Variants in SMYD3 observed in about 807,000 individuals in gnomAD.
The protein encoded by SMYD3 is SET and MYND domain containing 3, also known as histone-lysine N-methyltransferase SMYD3.
Under a neutral mutation model 57.7 loss-of-function variants are expected in SMYD3, and 36 were observed. That is an observed-to-expected ratio of 0.62 (90% CI 0.48 to 0.82). The LOEUF (loss-of-function observed/expected upper bound fraction) is 0.82, where lower values mean the gene tolerates loss of function less well. Ranked by LOEUF, SMYD3 falls within the 40% of genes least tolerant of loss-of-function variation. The pLI, the probability that SMYD3 is intolerant of heterozygous loss-of-function variation, is 0.00. For synonymous variants in SMYD3, 211 were observed against 195.0 expected, an observed-to-expected ratio of 1.08 and a Z score of -0.68; for missense variants, 515 against 538.8, an observed-to-expected ratio of 0.96 and a Z score of 0.44.
chr1:245,915,682 T>C (rs750668919), intron 7 of SMYD3, 42 bp from the exon 8 acceptor site: 1 of 1,260,748 alleles, frequency 7.9e-7, no homozygotes, highest in Non-Finnish European at 1.1e-6. Flanking sequence ...ACATCTGCTG[T>C]GCTCATTTCT....
intron 5 of SMYD3, among the ~76,000 whole-genome samples, chr1:246,000,525 T>G (rs1468456811): frequency 1.3e-5 from 2 of 152,108 alleles, no homozygotes; most frequent in Non-Finnish European, 2.9e-5. Context: ...ACCATGCCCC[T>G]AAACCAAAAA....
intron 5 of SMYD3, among the ~76,000 whole-genome samples, chr1:246,233,645 C>G (rs2063461477): frequency 7.2e-6 from 1 of 138,636 alleles, no homozygotes; most frequent in Non-Finnish European, 1.5e-5. Flanking sequence ...CCTCAATTCA[C>G]ACTGTGATGA....
chr1:245,928,148 G>T, intron 6 of SMYD3, 115 bp from the exon 7 acceptor site: 1 of 688,486 alleles, frequency 1.5e-6, no homozygotes, highest in Non-Finnish European at 2.5e-6. Flanking sequence ...AGGTAGGGTT[G>T]ACAGGATGCC....
chr1:246,020,003 T>C (rs1008672534), intron 5 of SMYD3, among the ~76,000 whole-genome samples: 4 of 152,222 alleles, frequency 2.6e-5, no homozygotes, highest in African/African-American at 9.6e-5. Flanking sequence ...GACTTGTTAC[T>C]TGCCTGCCAG....
chr1:246,157,309 G>A (rs763247316), intron 5 of SMYD3, among the ~76,000 whole-genome samples: 8 of 152,046 alleles, frequency 5.3e-5, no homozygotes, highest in South Asian at 2.1e-4. Context: ...TAATTAACTC[G>A]ACAAGAGAAA....
chr1:246,211,619 G>A (rs968934915), intron 5 of SMYD3, among the ~76,000 whole-genome samples: 5 of 151,956 alleles, frequency 3.3e-5, no homozygotes, highest in African/African-American at 1.2e-4. Context: ...TACACAAGAG[G>A]GAGACAAATA....
chr1:246,359,721 C>G (rs1208745040), intron 1 of SMYD3, among the ~76,000 whole-genome samples: 1 of 152,156 alleles, frequency 6.6e-6, no homozygotes, highest in Non-Finnish European at 1.5e-5. Flanking sequence ...ACATGATCAT[C>G]TCAATAGATG....
At chr1:245,838,025 C>G (rs567392713) in intron 10 of SMYD3, among the ~76,000 whole-genome samples, 4 of 152,320 alleles carry the variant, frequency 2.6e-5, no homozygotes, top group African/African-American at 9.6e-5. Context: ...AAAATATGAT[C>G]TCTGACTTTT....
intron 8 of SMYD3, among the ~76,000 whole-genome samples, chr1:245,912,493 T>C (rs1051794919): frequency 2.0e-5 from 3 of 151,954 alleles, no homozygotes; most frequent in Admixed American, 2.0e-4. Flanking sequence ...CTTCAAGAAA[T>C]AGAACTAATG....
chr1:246,327,884 T>C (rs2065381319), intron 4 of SMYD3, among the ~76,000 whole-genome samples: 1 of 152,200 alleles, frequency 6.6e-6, no homozygotes, highest in Admixed American at 6.5e-5. Flanking sequence ...AACTTCAAGT[T>C]ATCTGAGTTG....
At chr1:246,006,943 T>C (rs1558145872) in intron 5 of SMYD3, among the ~76,000 whole-genome samples, 1 of 152,206 alleles carries the variant, frequency 6.6e-6, no homozygotes. Flanking sequence ...AGAAAAGGCA[T>C]GGGCAGGAGC....
At chr1:245,795,945 C>T (rs993971907) in intron 10 of SMYD3, among the ~76,000 whole-genome samples, 1 of 152,170 alleles carries the variant, frequency 6.6e-6, no homozygotes, top group Non-Finnish European at 1.5e-5. Context: ...CTTAGTAACC[C>T]TATCTCCCAA....
chr1:246,081,712 T>A (rs1020153598), intron 5 of SMYD3, among the ~76,000 whole-genome samples: 1 of 152,144 alleles, frequency 6.6e-6, no homozygotes, highest in African/African-American at 2.4e-5. Context: ...CTATTTTTTT[T>A]AATTACTAGT....
intron 8 of SMYD3, among the ~76,000 whole-genome samples, chr1:245,903,433 T>C (rs1381053538): frequency 5.3e-5 from 8 of 152,128 alleles, no homozygotes; most frequent in African/African-American, 1.9e-4. Flanking sequence ...GATGCTGGAA[T>C]AGAAAGCTTC....
At chr1:246,060,484 A>T (rs1015930703) in intron 5 of SMYD3, among the ~76,000 whole-genome samples, 2 of 152,204 alleles carry the variant, frequency 1.3e-5, no homozygotes, top group Non-Finnish European at 2.9e-5. Context: ...ATGGCATAAC[A>T]TTCCCAAAGC....
At chr1:246,304,054 T>C (rs1355308602) in intron 5 of SMYD3, among the ~76,000 whole-genome samples, 1 of 152,176 alleles carries the variant, frequency 6.6e-6, no homozygotes, top group Non-Finnish European at 1.5e-5. Flanking sequence ...AAAAACAAAA[T>C]ATAACATCAC....
At chr1:246,030,228 A>T (rs1440768013) in intron 5 of SMYD3, among the ~76,000 whole-genome samples, 1 of 152,182 alleles carries the variant, frequency 6.6e-6, no homozygotes, top group Non-Finnish European at 1.5e-5. Flanking sequence ...ATGGAGTACT[A>T]TTCAGCCATA....
chr1:245,793,037 A>G lies in SMYD3; in HGVS notation c.1077-28888T>C, dbSNP rs192073010. Among the ~76,000 whole-genome samples, 1,377 of 151,338 alleles carry G rather than the reference A, an allele frequency of 9.1e-3. 13 individuals carry two copies. The highest frequency in any genetic ancestry group is 0.029 in the African/African-American group (1,204 of 41,042). On this transcript the variant is annotated intron_variant, in intron 10 of 11. Coordinates refer to ENST00000490107, the MANE Select transcript of SMYD3 (RefSeq NM_001167740.2). ...GAAATATCTTCCATATAGGCCAGGC[A>G]CAGTGGCTCATGCCTGTAATCCCAG...
At chr1:245,762,808 G>A (rs112295652) in intron 11 of SMYD3, among the ~76,000 whole-genome samples, 43 of 152,286 alleles carry the variant, frequency 2.8e-4, no homozygotes, top group East Asian at 1.5e-3. Flanking sequence ...GGGATCAGCC[G>A]GCCCCTGGAC....
Sources: gnomAD v4.1 joint callset for allele counts (sites outside exome capture counted in the v4.1 genomes callset) on GRCh38, gnomAD v4.1.1 for gene constraint, MANE v1.5 for transcripts, NCBI Gene and HGNC (gene_info 2026-07-23, HGNC 2026-07-21) for gene names.